FSD1L: variants seen among roughly 807,000 people sequenced by gnomAD.
FSD1L encodes FSD1-like protein.
Under a neutral mutation model 71.6 loss-of-function variants are expected in FSD1L, and 45 were observed. That is an observed-to-expected ratio of 0.63 (90% CI 0.49 to 0.81). The LOEUF is 0.81. Ranked by LOEUF, FSD1L falls within the 30% of genes least tolerant of loss-of-function variation. The pLI is 0.00. For synonymous variants in FSD1L, 197 were observed against 207.2 expected, an observed-to-expected ratio of 0.95 and a Z score of 0.42; for missense variants, 561 against 618.1, an observed-to-expected ratio of 0.91 and a Z score of 0.98.
At chr9:105,456,684 G>A (rs1338094035) in intron 1 of FSD1L, among the ~76,000 whole-genome samples, 1 of 152,066 alleles carries the variant, frequency 6.6e-6, no homozygotes, top group African/African-American at 2.4e-5. Context: ...TTTTGTTGTT[G>A]TTATGAGGGC....
chr9:105,541,068 A>G (rs1315135966), intron 13 of FSD1L, among the ~76,000 whole-genome samples: 1 of 152,136 alleles, frequency 6.6e-6, no homozygotes, highest in Non-Finnish European at 1.5e-5. Context: ...CTTCTCAACT[A>G]TAAGGAGAAA....
chr9:105,521,376 G>C (rs867285401), intron 10 of FSD1L: 1 of 1,614,028 alleles, frequency 6.2e-7, no homozygotes, highest in African/African-American at 1.3e-5. Context: ...CACTCTCACG[G>C]AGCGAGAACC....
chr9:105,513,937 G>T (rs907584932), intron 10 of FSD1L, among the ~76,000 whole-genome samples: 17 of 151,890 alleles, frequency 1.1e-4, no homozygotes, highest in African/African-American at 4.1e-4. Context: ...CATCTTTCTT[G>T]TTGTACTGAA....
intron 12 of FSD1L, among the ~76,000 whole-genome samples, chr9:105,538,270 A>G (rs1836389535): frequency 6.6e-6 from 1 of 152,220 alleles, no homozygotes; most frequent in Non-Finnish European, 1.5e-5. Flanking sequence ...CTGTTTACCA[A>G]CTTCGAGATC....
intron 1 of FSD1L, among the ~76,000 whole-genome samples, chr9:105,455,252 A>G (rs1004705478): frequency 6.6e-6 from 1 of 152,174 alleles, no homozygotes; most frequent in East Asian, 1.9e-4. Context: ...TTCTGTATAT[A>G]AGGCAGTTCT....
intron 13 of FSD1L, among the ~76,000 whole-genome samples, chr9:105,542,415 T>C (rs1836686695): frequency 6.6e-6 from 1 of 152,192 alleles, no homozygotes; most frequent in African/African-American, 2.4e-5. Flanking sequence ...GTTAAAATTA[T>C]TTGCTTACTT....
chr9:105,534,357 A>G (rs561282230), intron 10 of FSD1L, 136 bp from the exon 11 acceptor site: 2 of 557,602 alleles, frequency 3.6e-6, no homozygotes, highest in South Asian at 4.7e-5. Flanking sequence ...ACTAGTTCAG[A>G]TCAAATTGAA....
chr9:105,520,505 T>C (rs1835076935), intron 10 of FSD1L: 5 of 1,091,542 alleles, frequency 4.6e-6, no homozygotes, highest in East Asian at 4.7e-5. Flanking sequence ...CTGGATGCTA[T>C]ACTTTTTATT....
chr9:105,460,359 A>C (rs1280196021), intron 1 of FSD1L, among the ~76,000 whole-genome samples: 3 of 152,106 alleles, frequency 2.0e-5, no homozygotes, highest in Non-Finnish European at 4.4e-5. Flanking sequence ...TGGGAAGCCG[A>C]AGTGGGTGAA....
At position 105,549,655 on chromosome 9, in the gene FSD1L, TTTAC is replaced by T. The variant is rs1478534657; in HGVS notation, c.*3176_*3179del. On this transcript the variant is annotated 3_prime_UTR_variant, in exon 14 of 14. Coordinates refer to ENST00000481272, the MANE Select transcript of FSD1L (RefSeq NM_001145313.3). ...AGAGAGACATATTGGCTTGCTTTAA[TTTAC>T]TTATTTATGAAATTAAAGCATGAAT... 9 of 152,028 alleles carry T rather than the reference TTTAC, an allele frequency of 5.9e-5. No individual in the cohort carries two copies. The allele number at this position is 152,028 out of a possible 1,614,324, so 9.4% of individuals were successfully genotyped here. A position where few individuals can be genotyped will look rare whatever the true frequency, so the allele number is the denominator to read the frequency against.
chr9:105,514,894 T>C (rs967014578), intron 10 of FSD1L, among the ~76,000 whole-genome samples: 2 of 152,066 alleles, frequency 1.3e-5, no homozygotes, highest in African/African-American at 4.8e-5. Context: ...ATGGGAAAGA[T>C]ACTAAAACAG....
intron 7 of FSD1L, among the ~76,000 whole-genome samples, chr9:105,495,008 T>C (rs546274130): frequency 1.7e-4 from 26 of 152,304 alleles, no homozygotes; most frequent in South Asian, 1.5e-3. Flanking sequence ...AGCTGCATGC[T>C]GGGAGAGCCA....
rs575190870 is a variant in FSD1L at position 105,540,194 on chromosome 9, C to T, written c.1467+843C>T. On this transcript the variant is annotated intron_variant, in intron 13 of 13. Transcript: ENST00000481272. ...TGTCCTTCTAGTGGATGATATATTA[C>T]ATTTTGGTTTTAATTTGCATTTCCT... Among the ~76,000 whole-genome samples, 5 of 152,150 alleles carry T rather than the reference C, an allele frequency of 3.3e-5. No homozygotes were observed. The South Asian group carries it at 1.0e-3, about 32-fold the overall frequency.
intron 1 of FSD1L, among the ~76,000 whole-genome samples, chr9:105,451,191 C>T (rs762283341): frequency 4.6e-5 from 7 of 151,954 alleles, no homozygotes; most frequent in Non-Finnish European, 7.4e-5. Flanking sequence ...TATCTTCTGA[C>T]CCCGTGATCC....
intron 7 of FSD1L, among the ~76,000 whole-genome samples, chr9:105,487,010 C>T (rs1344398235): frequency 2.6e-5 from 4 of 152,028 alleles, no homozygotes; most frequent in Non-Finnish European, 5.9e-5. Context: ...ATATAATTCA[C>T]CTCCTTTAAA....
intron 7 of FSD1L, among the ~76,000 whole-genome samples, chr9:105,498,263 T>G (rs976587956): frequency 4.0e-5 from 6 of 151,216 alleles, no homozygotes; most frequent in African/African-American, 1.5e-4. Context: ...AAATTACTTG[T>G]TTTAGATCTT....
chr9:105,499,797 T>C (rs1051850105), intron 7 of FSD1L, among the ~76,000 whole-genome samples: 4 of 152,064 alleles, frequency 2.6e-5, no homozygotes, highest in African/African-American at 9.7e-5. Flanking sequence ...CTTCTTCTTC[T>C]GTAATTTCCA....
chr9:105,479,205 C>T (rs191996960), intron 5 of FSD1L, 149 bp from the exon 6 acceptor site: 253 of 604,276 alleles, frequency 4.2e-4, no homozygotes, highest in African/African-American at 3.9e-3. Context: ...GAACTATACA[C>T]ATAAATTTTC....
At chr9:105,444,540 TG>T (rs1470948415), upstream of FSD1L, among the ~76,000 whole-genome samples, 1 of 152,196 alleles carries the variant, frequency 6.6e-6, no homozygotes, top group African/African-American at 2.4e-5. Flanking sequence ...AGCCCAGGGC[TG>T]CAGGCAATAC....
Sources: allele counts gnomAD v4.1 joint callset (sites outside exome capture counted in the v4.1 genomes callset), GRCh38; gene constraint gnomAD v4.1.1; transcripts MANE v1.5; gene names NCBI Gene and HGNC (gene_info 2026-07-23, HGNC 2026-07-21).